ARID1B: variants seen among roughly 807,000 people sequenced by gnomAD.
The protein encoded by ARID1B is AT-rich interaction domain 1B.
ARID1B carries 30 observed loss-of-function variants against 212.3 expected under a neutral mutation model. The observed-to-expected ratio is 0.14, with a 90% CI of 0.11 to 0.19. The LOEUF (loss-of-function observed/expected upper bound fraction) is 0.19, where lower values mean the gene tolerates loss of function less well. Ranked by LOEUF, ARID1B falls within the 10% of genes least tolerant of loss-of-function variation. The probability of loss-of-function intolerance (pLI) is 1.00; values close to 1 mark genes in which losing one functional copy is unlikely to be tolerated. For synonymous variants in ARID1B, 1,402 were observed against 1,301.7 expected (o/e 1.08, Z -1.66); for missense variants, 2,891 against 3,204.0 (o/e 0.90, Z 2.36).
chr6:156,962,864 C>T (rs1009113410), intron 4 of ARID1B, among the ~76,000 whole-genome samples: 4 of 152,054 alleles, frequency 2.6e-5, no homozygotes, highest in African/African-American at 9.7e-5. Flanking sequence ...CTCACTGCAA[C>T]CTCTGCCTCC....
chr6:157,188,819 A>G (rs924950754), intron 13 of ARID1B, among the ~76,000 whole-genome samples: 1 of 152,254 alleles, frequency 6.6e-6, no homozygotes, highest in Non-Finnish European at 1.5e-5. Context: ...GGACTGCAGT[A>G]GATGACAGAG....
chr6:156,888,005 C>T (rs1433741571), intron 2 of ARID1B, among the ~76,000 whole-genome samples: 1 of 152,104 alleles, frequency 6.6e-6, no homozygotes, highest in Non-Finnish European at 1.5e-5. Flanking sequence ...TTTTCTGTAC[C>T]CTGTCCCCAC....
At chr6:157,183,607 G>A (rs763151775) in intron 12 of ARID1B, among the ~76,000 whole-genome samples, 1 of 152,118 alleles carries the variant, frequency 6.6e-6, no homozygotes, top group Admixed American at 6.6e-5. Flanking sequence ...CTCCTTTTGC[G>A]ACTGTGTTGT....
At chr6:157,127,914 A>G (rs1422883787) in intron 6 of ARID1B, among the ~76,000 whole-genome samples, 3 of 149,450 alleles carry the variant, frequency 2.0e-5, no homozygotes, top group Non-Finnish European at 3.0e-5. Flanking sequence ...GTGAGCCAAG[A>G]GTGCTCCACT....
chr6:157,172,273 G>A (rs1337550409), intron 9 of ARID1B, among the ~76,000 whole-genome samples: 5 of 152,196 alleles, frequency 3.3e-5, no homozygotes, highest in East Asian at 1.9e-4. Context: ...CGGTCTTCGC[G>A]GTGTAATATC....
intron 5 of ARID1B, among the ~76,000 whole-genome samples, chr6:157,099,404 C>G (rs1785903992): frequency 6.6e-6 from 1 of 152,114 alleles, no homozygotes; most frequent in African/African-American, 2.4e-5. Flanking sequence ...GGTATCTCCC[C>G]AAAAGGGATC....
At position 157,201,600 on chromosome 6, in the gene ARID1B, T is replaced by C. The variant is rs1794123420; in HGVS notation, c.5263+112T>C. ...CTTAAAGGGATGAAAAAATTATGACTAGAAGTTATCAAGATGCGTTTTTAT... is the reference window on the plus strand; with the variant it reads ...CTTAAAGGGATGAAAAAATTATGACCAGAAGTTATCAAGATGCGTTTTTAT... On this transcript the variant is annotated intron_variant, in intron 18 of 19. Coordinates refer to ENST00000636930, the MANE Select transcript of ARID1B (RefSeq NM_001374828.1). This position sits in a 1 kb window ranked among gnomAD's most constrained non-coding sequence, Gnocchi z 5.2. The C allele has an allele frequency of 8.0e-7, 1 of 1,252,974 alleles. No homozygotes were observed. The highest frequency in any genetic ancestry group is 1.5e-5 in the African/African-American group (1 of 65,714). 77.6% of individuals were successfully genotyped at this position (1,252,974 alleles called of 1,614,324 possible). A position where few individuals can be genotyped will look rare whatever the true frequency, so the allele number is the denominator to read the frequency against.
chr6:156,983,140 C>T (rs1481404804), intron 4 of ARID1B, among the ~76,000 whole-genome samples: 6 of 151,730 alleles, frequency 4.0e-5, no homozygotes, highest in Admixed American at 3.3e-4. Flanking sequence ...CAGTGGCTCA[C>T]GCCTGTAATC....
chr6:157,022,272 C>T (rs956727694), intron 4 of ARID1B: 1 of 152,262 alleles, frequency 6.6e-6, no homozygotes. Context: ...TAGCCAGGCA[C>T]TTGGATTCTA....
At chr6:157,183,875 C>CTT (rs372828148) in intron 12 of ARID1B, among the ~76,000 whole-genome samples, 1 of 152,214 alleles carries the variant, frequency 6.6e-6, no homozygotes, top group Non-Finnish European at 1.5e-5. Flanking sequence ...GGAATGAGCA[C>CTT]TTTCACATCA....
At chr6:156,880,585 A>G (rs546908439) in intron 2 of ARID1B, among the ~76,000 whole-genome samples, 1 of 152,122 alleles carries the variant, frequency 6.6e-6, no homozygotes, top group East Asian at 1.9e-4. Flanking sequence ...CTAAAAATAC[A>G]AAGATTAGCT....
At chr6:156,812,442 G>A (rs1262359612) in intron 1 of ARID1B, among the ~76,000 whole-genome samples, 1 of 151,680 alleles carries the variant, frequency 6.6e-6, no homozygotes, top group Non-Finnish European at 1.5e-5. Context: ...ATAGGACAGT[G>A]GCATTTATAA....
chr6:157,054,277 G>A lies in ARID1B; in HGVS notation c.2248-30385G>A, dbSNP rs900803091. ...TGTGTGATTCTTTGCCTTAGATTAG[G>A]TTTTTCCCCTTGGAAATGCTGTGTC... On this transcript the variant is annotated intron_variant, in intron 4 of 19. Transcript: ENST00000636930. Among the ~76,000 whole-genome samples the A allele has an allele frequency of 4.6e-5, 7 of 151,948 alleles. No individual in the cohort carries two copies. In the East Asian group the frequency reaches 9.7e-4, roughly 21 times the overall value.
intron 4 of ARID1B, among the ~76,000 whole-genome samples, chr6:156,993,747 C>T (rs534673418): frequency 2.0e-5 from 3 of 152,214 alleles, no homozygotes; most frequent in African/African-American, 7.2e-5. Context: ...AAGCCAGAAA[C>T]AAAACAGTCT....
At chr6:157,016,608 G>A (rs1779936049) in intron 4 of ARID1B, among the ~76,000 whole-genome samples, 1 of 152,178 alleles carries the variant, frequency 6.6e-6, no homozygotes, top group Non-Finnish European at 1.5e-5. Flanking sequence ...TGGCATGTCG[G>A]CATGGTCTCA....
At chr6:157,035,324 AT>A (rs1781263496) in intron 4 of ARID1B, among the ~76,000 whole-genome samples, 1 of 152,228 alleles carries the variant, frequency 6.6e-6, no homozygotes, top group African/African-American at 2.4e-5. Flanking sequence ...TATATGTGTA[AT>A]TCACAAGCAA....
intron 8 of ARID1B, among the ~76,000 whole-genome samples, chr6:157,153,947 A>G (rs1373840109): frequency 4.6e-5 from 7 of 152,180 alleles, no homozygotes; most frequent in African/African-American, 1.4e-4. Flanking sequence ...ACCTTGTAAC[A>G]TTTTTTAAAT....
At chr6:157,138,442 T>G (rs1789094225) in intron 7 of ARID1B, among the ~76,000 whole-genome samples, 1 of 152,194 alleles carries the variant, frequency 6.6e-6, no homozygotes, top group Admixed American at 6.5e-5. Flanking sequence ...TTCAGCATGT[T>G]GCCCAAGCTA....
intron 5 of ARID1B, among the ~76,000 whole-genome samples, chr6:157,088,215 A>G (rs887615852): frequency 2.0e-5 from 3 of 152,160 alleles, no homozygotes; most frequent in African/African-American, 7.2e-5. Context: ...TCTTGTGGGA[A>G]GGGGCACCAT....
Sources: allele counts gnomAD v4.1 joint callset (sites outside exome capture counted in the v4.1 genomes callset), GRCh38; gene constraint gnomAD v4.1.1; non-coding constraint Gnocchi (gnomAD v3.1); transcripts MANE v1.5; gene names NCBI Gene and HGNC (gene_info 2026-07-23, HGNC 2026-07-21).